Variants in EGFL7 observed in about 807,000 individuals in gnomAD.
EGFL7 encodes the protein epidermal growth factor-like protein 7.
In EGFL7, 48 loss-of-function variants were observed where a neutral mutation model predicts 37.1. That is an observed-to-expected ratio of 1.29 (90% CI 1.03 to 1.65). The LOEUF is 1.65. EGFL7 is among the 40% of genes most tolerant of loss of function. The pLI is 0.00. For missense variants in EGFL7, 384 were observed against 378.9 expected (o/e 1.01, Z -0.11); for synonymous variants, 180 against 156.8 (o/e 1.15, Z -1.10).
chr9:136,668,081 G>C (rs960487899), intron 3 of EGFL7, among the ~76,000 whole-genome samples, 160 bp from the exon 4 acceptor site: 6 of 152,212 alleles, frequency 3.9e-5, no homozygotes, highest in African/African-American at 1.4e-4. Flanking sequence ...GCTGGAAGAG[G>C]GGGCCAGCGG....
rs751015053 is a variant in EGFL7, at chr9:136,669,708, G to A, written c.300G>A (p.Gly100=). 2 of 1,595,822 alleles carry A rather than the reference G, an allele frequency of 1.3e-6. No homozygotes were observed. The highest frequency in any genetic ancestry group is 3.5e-5 in the Admixed American group (2 of 57,338). ...PGWKRTSGLP[G]ACGAAICQPP... is the part of the protein sequence containing the mutation. The stretch of plus-strand genomic sequence containing the variant: ...GGAAGAGGACCAGCGGGCTTCCTGG[G>A]GCCTGTGGAGCAGGTGAGGGCTATG... Residue 100 remains glycine (G), a synonymous_variant, in exon 6 of 11, where the codon GGG becomes GGA. Coordinates refer to ENST00000308874, the MANE Select transcript of EGFL7 (RefSeq NM_016215.5).
At chr9:136,668,019 T>C (rs1018963702) in intron 3 of EGFL7, among the ~76,000 whole-genome samples, 2 of 152,026 alleles carry the variant, frequency 1.3e-5, no homozygotes, top group African/African-American at 4.8e-5. Context: ...TCACCCCCCC[T>C]GTGCCCCCAG....
Position 136,672,040 on chromosome 9 carries a change from G to A in EGFL7, c.751G>A (p.Asp251Asn), listed in dbSNP as rs758846707. The stretch of plus-strand genomic sequence containing the variant: ...CTCCTTCCAGCAGCTCGGCCGCATC[G>A]ACTCCCTGAGCGAGCAGATTTCCTT... ...VHSFQQLGRIDSLSEQISFLE... is the reference protein window; with the variant it reads ...VHSFQQLGRINSLSEQISFLE... The change falls in exon 10 of 11, where the codon GAC (aspartate) becomes AAC (asparagine). Residue 251 changes from aspartate (D) to asparagine (N), a missense_variant. Asp to Asn is a conservative substitution (Grantham distance 23, BLOSUM62 1). Coordinates refer to ENST00000308874, the MANE Select transcript of EGFL7 (RefSeq NM_016215.5). 39 of 1,545,390 alleles carry A rather than the reference G, an allele frequency of 2.5e-5. No homozygotes were observed. Among genetic ancestry groups the A allele is most frequent in the South Asian group, 1.7e-4 (14 of 84,122 alleles).
chr9:136,671,814 C>A, intron 9 of EGFL7, 112 bp from the exon 10 acceptor site: 1 of 1,350,418 alleles, frequency 7.4e-7, no homozygotes, highest in Admixed American at 3.1e-5. Flanking sequence ...AGCCCTGCCG[C>A]GGAGGCGGGG....
intron 3 of EGFL7, among the ~76,000 whole-genome samples, chr9:136,667,703 G>A (rs1047225941): frequency 3.3e-5 from 5 of 152,200 alleles, no homozygotes; most frequent in Non-Finnish European, 7.4e-5. Context: ...CCCTCCGCAC[G>A]GTTCCTGCTG....
upstream of EGFL7, chr9:136,659,058 G>A (rs1160667876): frequency 5.3e-5 from 8 of 152,206 alleles, no homozygotes; most frequent in African/African-American, 1.7e-4. Flanking sequence ...TTGAACAAGC[G>A]GCTTCCACCT....
At chr9:136,664,254 T>C (rs1000829795) in intron 2 of EGFL7, among the ~76,000 whole-genome samples, 1 of 152,164 alleles carries the variant, frequency 6.6e-6, no homozygotes, top group African/African-American at 2.4e-5. Context: ...GCCACTGGAT[T>C]GCAGGGTGGG....
rs1845764390 is a variant in EGFL7, at chr9:136,670,307, C to T, written c.548C>T (p.Pro183Leu). 3 of 1,589,618 alleles carry T rather than the reference C, an allele frequency of 1.9e-6. No homozygotes were observed. The highest frequency in any genetic ancestry group is 2.6e-6 in the Non-Finnish European group (3 of 1,165,272). The change falls in exon 8 of 11, where the codon CCC becomes CTC. Residue 183 changes from proline to leucine, a missense_variant. Transcript: ENST00000308874. ...CTCTGTGTGCCCAAGGGAGGGCCCC[C>T]CAGGGTGGCCCCCAACCCGACAGGT... Reference protein sequence around the residue: ...GTLCVPKGGPPRVAPNPTGVD... With the variant: ...GTLCVPKGGPLRVAPNPTGVD...
In EGFL7 at chr9:136,672,384, G is replaced by A; in HGVS notation, c.*98G>A. On this transcript the variant is annotated 3_prime_UTR_variant, in exon 11 of 11. Coordinates refer to ENST00000308874, the MANE Select transcript of EGFL7 (RefSeq NM_016215.5). Reference sequence around the variant, plus strand: ...GGGGGTCCAGAAACCACCTCGGGGTGACTGAGCGGAAGGCCAGGCAGGGCC... The same window carrying A: ...GGGGGTCCAGAAACCACCTCGGGGTAACTGAGCGGAAGGCCAGGCAGGGCC... 1.3e-6 allele frequency: 2 copies of A among 1,513,694 alleles called. No homozygotes were observed. Among genetic ancestry groups the A allele is most frequent in the Non-Finnish European group, 1.8e-6 (2 of 1,093,832 alleles). The allele number at this position is 1,513,694 out of a possible 1,614,324, so 93.8% of individuals were successfully genotyped here. A position where few individuals can be genotyped will look rare whatever the true frequency, so the allele number is the denominator to read the frequency against.
At position 136,672,058 on chromosome 9, in the gene EGFL7, AT is replaced by A; in HGVS notation, c.772del (p.Ser258ProfsTer51). The A allele has an allele frequency of 6.5e-7, 1 of 1,546,518 alleles. No individual in the cohort carries two copies. On this transcript the variant is annotated frameshift_variant, in exon 10 of 11. Transcript: ENST00000308874. LOFTEE classifies it high-confidence loss of function. ...LGRIDSLSEQ[I>X]SFLEEQLGSC... ...CCGCATCGACTCCCTGAGCGAGCAGATTTCCTTCCTGGAGGAGCAGCTGGGG... is the reference window on the plus strand; with the variant it reads ...CCGCATCGACTCCCTGAGCGAGCAGATTCCTTCCTGGAGGAGCAGCTGGGG...
intron 8 of EGFL7, chr9:136,670,717 C>T: frequency 1.3e-6 from 1 of 765,944 alleles, no homozygotes; most frequent in Non-Finnish European, 2.4e-6. Flanking sequence ...AGACCTCAGC[C>T]TTGACCTCCC....
At position 136,670,277 on chromosome 9, in the gene EGFL7, G is replaced by A. The variant is rs1262841849; in HGVS notation, c.518G>A (p.Gly173Asp). 6.2e-7 allele frequency: 1 copy of A among 1,610,054 alleles called. No homozygotes were observed. Among genetic ancestry groups the A allele is most frequent in the East Asian group, 2.2e-5 (1 of 44,790 alleles). The change falls in exon 8 of 11, where the codon GGT (glycine) becomes GAT (aspartate). Residue 173 changes from glycine (G) to aspartate (D), a missense_variant. Physicochemically the swap from Gly to Asp is moderately conservative, Grantham distance 94. Coordinates refer to ENST00000308874, the MANE Select transcript of EGFL7 (RefSeq NM_016215.5). The part of the protein sequence containing the change: ...CWEGHSLSAD[G>D]TLCVPKGGPP... ...GAGGGGCACAGCCTGTCTGCAGACG[G>A]TACACTCTGTGTGCCCAAGGGAGGG...
chr9:136,668,906 C>T (rs568066706), intron 5 of EGFL7, among the ~76,000 whole-genome samples: 4 of 152,260 alleles, frequency 2.6e-5, no homozygotes, highest in East Asian at 1.9e-4. Flanking sequence ...CTCAAAGGAC[C>T]GCACCTCTAA....
In EGFL7 at chr9:136,666,460, G is replaced by C. The variant is rs1845483130; in HGVS notation, c.-43+1675G>C. 6.6e-6 allele frequency among the ~76,000 whole-genome samples: 1 copy of C among 151,926 alleles called. No homozygotes were observed. Among genetic ancestry groups the C allele is most frequent in the Non-Finnish European group, 1.5e-5 (1 of 67,928 alleles). On this transcript the variant is annotated intron_variant, in intron 3 of 10. Coordinates refer to ENST00000308874, the MANE Select transcript of EGFL7 (RefSeq NM_016215.5). The surrounding 1 kb of genome is among the most constrained non-coding windows in gnomAD (Gnocchi z 6.8). The stretch of plus-strand genomic sequence containing the variant: ...CACCTGGCGCCGCCGCCCCCTCCCC[G>C]CCCGGCACCCCTGGGTCGAGGCCGT...
Position 136,664,734 on chromosome 9 carries a change from G to C in EGFL7, c.-94G>C, listed in dbSNP as rs767158967. Reference sequence around the variant, plus strand: ...GAGGCACAGGTGGCCCCCACCACCCGGAGGAGCAGCTCCTGCCCCTGTCCG... The same window carrying C: ...GAGGCACAGGTGGCCCCCACCACCCCGAGGAGCAGCTCCTGCCCCTGTCCG... On this transcript the variant is annotated 5_prime_UTR_variant, in exon 3 of 11. Transcript: ENST00000308874. 1 of 152,418 alleles carries C rather than the reference G, an allele frequency of 6.6e-6. No individual in the cohort carries two copies. The highest frequency in any genetic ancestry group is 1.5e-5 in the Non-Finnish European group (1 of 68,178). The allele number at this position is 152,418 out of a possible 1,614,324, so 9.4% of individuals were successfully genotyped here.
In EGFL7 at chr9:136,672,495, C is replaced by G; in HGVS notation, c.*209C>G. 3.1e-6 allele frequency: 2 copies of G among 640,038 alleles called. No individual in the cohort carries two copies. The highest frequency in any genetic ancestry group is 5.4e-6 in the Non-Finnish European group (2 of 371,414). The allele number at this position is 640,038 out of a possible 1,614,324, so 39.6% of individuals were successfully genotyped here. Reference sequence around the variant, plus strand: ...TGGGATCTTCTCTGTGAATCCACCCCTGGCTACCCCCACCCTGGCTACCCC... The same window carrying G: ...TGGGATCTTCTCTGTGAATCCACCCGTGGCTACCCCCACCCTGGCTACCCC... On this transcript the variant is annotated 3_prime_UTR_variant, in exon 11 of 11. Transcript: ENST00000308874.
chr9:136,670,441 G>A, intron 8 of EGFL7, 111 bp downstream of exon 8: 1 of 1,313,040 alleles, frequency 7.6e-7, no homozygotes, highest in South Asian at 1.3e-5. Context: ...AGGCGGTGGG[G>A]ACTCCCTCTC....
At chr9:136,664,656 T>C (rs1195833125) in intron 2 of EGFL7, 36 bp from the exon 3 acceptor site, 1 of 152,692 alleles carries the variant, frequency 6.5e-6, no homozygotes, top group Non-Finnish European at 1.5e-5. Flanking sequence ...ACCAGGACTG[T>C]GCATAGGCAC....
upstream of EGFL7, among the ~76,000 whole-genome samples, chr9:136,661,239 C>T (rs1472219164): frequency 6.6e-6 from 1 of 152,178 alleles, no homozygotes; most frequent in African/African-American, 2.4e-5. Context: ...TCCTGGGTGA[C>T]AGCCTGGGGG....
Sources: allele counts gnomAD v4.1 joint callset (sites outside exome capture counted in the v4.1 genomes callset), GRCh38; gene constraint gnomAD v4.1.1; non-coding constraint Gnocchi (gnomAD v3.1); transcripts MANE v1.5; gene names NCBI Gene and HGNC (gene_info 2026-07-23, HGNC 2026-07-21).